The following FNBP1 variants were observed in gnomAD, a reference collection of about 807,000 sequenced individuals.
The protein encoded by FNBP1 is formin binding protein 1.
FNBP1 carries 26 observed loss-of-function variants against 90.6 expected under a neutral mutation model. That is an observed-to-expected ratio of 0.29 (90% CI 0.21 to 0.40). The LOEUF (loss-of-function observed/expected upper bound fraction) is 0.40, where lower values mean the gene tolerates loss of function less well. Ranked by LOEUF, FNBP1 falls within the 10% of genes least tolerant of loss-of-function variation. The pLI is 1.00. For missense variants in FNBP1, 635 were observed against 768.0 expected (o/e 0.83, Z 2.05); for synonymous variants, 260 against 265.2 (o/e 0.98, Z 0.19).
rs577442368 is a variant in FNBP1, at chr9:130,017,952, C to T, written c.25-22994G>A. Among the ~76,000 whole-genome samples, 22 of 117,578 alleles carry T rather than the reference C, an allele frequency of 1.9e-4. 1 individual carries two copies. The South Asian group carries it at 3.7e-3, about 20-fold the overall frequency. 77.1% of individuals were successfully genotyped at this position (117,578 alleles called of 152,430 possible). On this transcript the variant is annotated intron_variant, in intron 1 of 16. Transcript: ENST00000446176. ...TTTTTGAGACAGAGTTTCACTCTGT[C>T]GCCCAGGCTGGAGTGCAGCGGTGCA... is the stretch of plus-strand genomic sequence containing the variant.
chr9:130,041,070 C>A lies in FNBP1; in HGVS notation c.24+1882G>T, dbSNP rs1488254471. Among the ~76,000 whole-genome samples, 1 of 150,970 alleles carries A rather than the reference C, an allele frequency of 6.6e-6. No individual in the cohort carries two copies. Among genetic ancestry groups the A allele is most frequent in the East Asian group, 1.9e-4 (1 of 5,176 alleles). The stretch of plus-strand genomic sequence containing the variant: ...CAAGCTGTTCTTGAACTCCTGGGCC[C>A]AAAAGATCCTCCCGACTCAGCCTCC... On this transcript the variant is annotated intron_variant, in intron 1 of 16. Coordinates refer to ENST00000446176, the MANE Select transcript of FNBP1 (RefSeq NM_015033.3). This position sits in a 1 kb window ranked among gnomAD's most constrained non-coding sequence, Gnocchi z 4.3.
chr9:129,907,815 G>A (rs1346497014), intron 12 of FNBP1, among the ~76,000 whole-genome samples: 3 of 151,526 alleles, frequency 2.0e-5, no homozygotes, highest in Non-Finnish European at 2.9e-5. Context: ...TGCAAGCTCC[G>A]CCTCCCGGGT....
At chr9:130,053,855 C>A in the FNBP1 span, 3 of 1,403,256 alleles carry the variant, frequency 2.1e-6, no homozygotes, top group South Asian at 3.8e-5. Flanking sequence ...GCCCCGCTCC[C>A]CGGGCCCTTC....
intron 11 of FNBP1, 110 bp downstream of exon 11, chr9:129,915,856 A>G: frequency 1.3e-6 from 1 of 778,344 alleles, no homozygotes; most frequent in Non-Finnish European, 2.2e-6. Context: ...CGTAAGAGAA[A>G]CACAAACCAA....
chr9:129,984,154 C>T (rs1414912692), intron 2 of FNBP1, among the ~76,000 whole-genome samples: 1 of 151,662 alleles, frequency 6.6e-6, no homozygotes, highest in African/African-American at 2.4e-5. Context: ...TTTTTTAAAG[C>T]TCACCACAAG....
At chr9:130,023,532 G>C (rs1011442736) in intron 1 of FNBP1, among the ~76,000 whole-genome samples, 5 of 152,190 alleles carry the variant, frequency 3.3e-5, no homozygotes, top group Non-Finnish European at 7.3e-5. Flanking sequence ...GAAGGCTGGT[G>C]CATATAAAGA....
intron 1 of FNBP1, among the ~76,000 whole-genome samples, chr9:130,024,923 T>C (rs963571491): frequency 3.9e-5 from 6 of 152,188 alleles, no homozygotes; most frequent in African/African-American, 7.2e-5. Context: ...CTCACGCTTG[T>C]AATCCCAGCA....
upstream of FNBP1, among the ~76,000 whole-genome samples, chr9:130,047,485 C>T (rs998157765): frequency 6.6e-5 from 10 of 152,170 alleles, no homozygotes; most frequent in Admixed American, 1.3e-4. Context: ...TGGTGGCGCA[C>T]GCCTGTAGTC....
intron 3 of FNBP1, among the ~76,000 whole-genome samples, chr9:129,978,899 A>C (rs182684500): frequency 1.3e-5 from 2 of 152,358 alleles, no homozygotes; most frequent in Non-Finnish European, 2.9e-5. Context: ...TGCTATATGT[A>C]CTAATGTAAA....
intron 16 of FNBP1, among the ~76,000 whole-genome samples, chr9:129,892,417 A>ACACACACACACACACAC (rs2035215307): frequency 6.8e-6 from 1 of 147,272 alleles, no homozygotes; most frequent in African/African-American, 2.5e-5. Flanking sequence ...ACACACACAC[A>ACACACACACACACACAC]AAAAGGTTGA....
At chr9:129,943,264 C>T (rs1021673341) in intron 6 of FNBP1, among the ~76,000 whole-genome samples, 1 of 152,128 alleles carries the variant, frequency 6.6e-6, no homozygotes, top group Non-Finnish European at 1.5e-5. Context: ...AACTGCTGAG[C>T]TCCTAGTGTT....
chr9:129,974,995 G>C (rs1425672549), intron 4 of FNBP1, among the ~76,000 whole-genome samples: 1 of 152,200 alleles, frequency 6.6e-6, no homozygotes, highest in African/African-American at 2.4e-5. Context: ...AAGGCAGGCG[G>C]ATCACCTGAG....
At chr9:129,909,287 G>C (rs548542236) in intron 11 of FNBP1, among the ~76,000 whole-genome samples, 5 of 152,266 alleles carry the variant, frequency 3.3e-5, no homozygotes, top group African/African-American at 1.2e-4. Flanking sequence ...TGACTCTAGG[G>C]AGAATCCATG....
At position 129,957,725 on chromosome 9, in the gene FNBP1, CATT is replaced by C. The variant is rs2047171327; in HGVS notation, c.409-264_409-262del. 6.6e-6 allele frequency among the ~76,000 whole-genome samples: 1 copy of C among 151,922 alleles called. No individual in the cohort carries two copies. On this transcript the variant is annotated intron_variant, in intron 5 of 16. Coordinates refer to ENST00000446176, the MANE Select transcript of FNBP1 (RefSeq NM_015033.3). The surrounding 1 kb of genome is among the most constrained non-coding windows in gnomAD (Gnocchi z 4.3). ...CACCACCATGCCCAGCTAATTTTTG[CATT>C]TTTTTGTAGAGACTAGGTTTTGTCA...
intron 2 of FNBP1, among the ~76,000 whole-genome samples, chr9:129,982,069 T>C (rs1310624836): frequency 6.6e-6 from 1 of 152,188 alleles, no homozygotes; most frequent in Admixed American, 6.6e-5. Flanking sequence ...ATGTCCCTTG[T>C]AGAAAAAACA....
chr9:129,959,275 T>G lies in FNBP1; in HGVS notation c.346-722A>C, dbSNP rs374529095. ...TCGTGCCACTGCACTCCAGCCTGAG[T>G]GACAGAATGAGACCCCATCTCAAAA... On this transcript the variant is annotated intron_variant, in intron 4 of 16. Coordinates refer to ENST00000446176, the MANE Select transcript of FNBP1 (RefSeq NM_015033.3). Among the ~76,000 whole-genome samples, 112 of 149,828 alleles carry G rather than the reference T, an allele frequency of 7.5e-4. 2 individuals carry two copies. The South Asian group carries it at 0.024, about 32-fold the overall frequency.
chr9:129,989,799 A>G (rs143302906), intron 2 of FNBP1, among the ~76,000 whole-genome samples: 2 of 152,318 alleles, frequency 1.3e-5, no homozygotes, highest in African/African-American at 4.8e-5. Flanking sequence ...GCACTTTGGG[A>G]GGCCTCGGTC....
intron 2 of FNBP1, among the ~76,000 whole-genome samples, chr9:129,984,968 G>A (rs1022627537): frequency 5.3e-5 from 8 of 152,154 alleles, no homozygotes; most frequent in Non-Finnish European, 8.8e-5. Context: ...TATCAGCAGC[G>A]TGAAAATGGA....
chr9:130,003,592 G>A (rs2055189924), intron 1 of FNBP1, among the ~76,000 whole-genome samples: 1 of 151,814 alleles, frequency 6.6e-6, no homozygotes, highest in Non-Finnish European at 1.5e-5. Flanking sequence ...GGGCAACAGA[G>A]CGAGACTCTG....
Sources: gnomAD v4.1 joint callset for allele counts (sites outside exome capture counted in the v4.1 genomes callset) on GRCh38, gnomAD v4.1.1 for gene constraint, Gnocchi (gnomAD v3.1) non-coding constraint, MANE v1.5 for transcripts, NCBI Gene and HGNC (gene_info 2026-07-23, HGNC 2026-07-21) for gene names.